The following GPATCH2 variants were observed in gnomAD, a reference collection of about 807,000 sequenced individuals.
GPATCH2 encodes G patch domain-containing protein 2.
In GPATCH2, 51 loss-of-function variants were observed where a neutral mutation model predicts 58.0. The ratio of observed to expected loss-of-function variants is 0.88; its 90% CI spans 0.70 to 1.11. The LOEUF is 1.11. GPATCH2 is among the 50% of genes most tolerant of loss of function. GPATCH2 has a pLI of 0.00. For synonymous variants in GPATCH2, 222 were observed against 218.5 expected (o/e 1.02, Z -0.14); for missense variants, 625 against 652.2 (o/e 0.96, Z 0.45).
chr1:217,434,917 A>G (rs938331063), intron 9 of GPATCH2, among the ~76,000 whole-genome samples: 1 of 152,200 alleles, frequency 6.6e-6, no homozygotes, highest in South Asian at 2.1e-4. Context: ...ACAATATAAC[A>G]TAAAACAAAG....
At chr1:217,577,701 C>T (rs1401967720) in intron 5 of GPATCH2, among the ~76,000 whole-genome samples, 2 of 151,952 alleles carry the variant, frequency 1.3e-5, no homozygotes, top group South Asian at 2.1e-4. Flanking sequence ...GTTATCAATG[C>T]CAAAGTTCAA....
intron 7 of GPATCH2, among the ~76,000 whole-genome samples, chr1:217,493,461 A>AT (rs1661850788): frequency 6.6e-6 from 1 of 152,034 alleles, no homozygotes; most frequent in Admixed American, 6.5e-5. Flanking sequence ...CAATTTGCCT[A>AT]TATCTTCAGG....
chr1:217,567,288 C>T (rs1161319762), intron 5 of GPATCH2, among the ~76,000 whole-genome samples: 5 of 152,140 alleles, frequency 3.3e-5, no homozygotes, highest in Non-Finnish European at 5.9e-5. Context: ...TCAGGTGATC[C>T]GCCCGCCTGG....
chr1:217,527,627 C>A (rs1344658970), intron 5 of GPATCH2, among the ~76,000 whole-genome samples: 1 of 152,112 alleles, frequency 6.6e-6, no homozygotes, highest in Admixed American at 6.5e-5. Context: ...ACAAAACCCT[C>A]TCTTGTTCGA....
At chr1:217,609,607 T>A (rs1025172359) in intron 5 of GPATCH2, 1 of 982,888 alleles carries the variant, frequency 1.0e-6, no homozygotes, top group Non-Finnish European at 1.2e-6. Context: ...CCAGCAAAGA[T>A]TATCAACCTT....
chr1:217,501,099 C>G (rs1234461121), intron 6 of GPATCH2, among the ~76,000 whole-genome samples: 2 of 152,018 alleles, frequency 1.3e-5, no homozygotes, highest in Non-Finnish European at 2.9e-5. Flanking sequence ...TCACTCCAAC[C>G]CTCAATCTCC....
intron 5 of GPATCH2, among the ~76,000 whole-genome samples, chr1:217,567,883 A>G (rs958415347): frequency 2.0e-5 from 3 of 152,160 alleles, no homozygotes; most frequent in Admixed American, 6.5e-5. Flanking sequence ...TTGGGAGGCC[A>G]AGGTGGGCGG....
chr1:217,608,185 T>C, intron 5 of GPATCH2: 1 of 749,566 alleles, frequency 1.3e-6, no homozygotes, highest in Non-Finnish European at 1.6e-6. Flanking sequence ...TTGGAACTCT[T>C]ACCTTTCTTG....
intron 5 of GPATCH2, among the ~76,000 whole-genome samples, chr1:217,541,703 T>C (rs1664750621): frequency 6.6e-6 from 1 of 152,248 alleles, no homozygotes; most frequent in African/African-American, 2.4e-5. Context: ...GTTAAATGCA[T>C]ACATATAGTA....
At chr1:217,458,418 T>G (rs1277464032) in intron 8 of GPATCH2, among the ~76,000 whole-genome samples, 1 of 152,162 alleles carries the variant, frequency 6.6e-6, no homozygotes, top group Non-Finnish European at 1.5e-5. Flanking sequence ...TAACTGAAAA[T>G]GGTAGCGGCT....
chr1:217,611,029 C>G lies in GPATCH2; in HGVS notation c.878G>C (p.Gly293Ala). Residue 293 changes from glycine (G) to alanine (A), a missense_variant, in exon 4 of 10, where the codon GGT becomes GCT. Coordinates refer to ENST00000366935, the MANE Select transcript of GPATCH2 (RefSeq NM_018040.5). ...AACTCCAGTGATACCACATGCTCCA[C>G]CTGATTCCTTTTCGTAGAACCAGTC... ...QSDWFYEKESGGACGITGVVP... is the reference protein window; with the variant it reads ...QSDWFYEKESAGACGITGVVP... The G allele has an allele frequency of 6.2e-7, 1 of 1,613,678 alleles. No homozygotes were observed. The highest frequency in any genetic ancestry group is 8.5e-7 in the Non-Finnish European group (1 of 1,179,788).
intron 1 of GPATCH2, among the ~76,000 whole-genome samples, chr1:217,625,268 A>T (rs936714661): frequency 3.3e-5 from 5 of 152,216 alleles, no homozygotes; most frequent in Admixed American, 3.3e-4. Context: ...TAAGAATAAG[A>T]CCAATCAATG....
chr1:217,439,493 C>T (rs1483329535), intron 9 of GPATCH2, among the ~76,000 whole-genome samples: 1 of 152,012 alleles, frequency 6.6e-6, no homozygotes, highest in African/African-American at 2.4e-5. Context: ...CAAAAGATAG[C>T]AGAAGACAAG....
chr1:217,583,057 A>C (rs147246506), intron 5 of GPATCH2, among the ~76,000 whole-genome samples: 181 of 152,354 alleles, frequency 1.2e-3, no homozygotes, highest in African/African-American at 4.2e-3. Context: ...CTAGCACTTC[A>C]TAAATAATTA....
chr1:217,547,048 A>C (rs571729760), intron 5 of GPATCH2, among the ~76,000 whole-genome samples: 1 of 152,280 alleles, frequency 6.6e-6, no homozygotes, highest in Non-Finnish European at 1.5e-5. Context: ...ATGAGATACT[A>C]TCTCACACCA....
At chr1:217,539,537 T>A (rs1664631620) in intron 5 of GPATCH2, among the ~76,000 whole-genome samples, 1 of 152,182 alleles carries the variant, frequency 6.6e-6, no homozygotes, top group Non-Finnish European at 1.5e-5. Flanking sequence ...GCACTCCCAA[T>A]CAGTGCTGCA....
chr1:217,562,851 C>CA (rs915488548), intron 5 of GPATCH2, among the ~76,000 whole-genome samples: 5 of 151,988 alleles, frequency 3.3e-5, no homozygotes, highest in African/African-American at 9.7e-5. Flanking sequence ...ACTTGGCACC[C>CA]AAAAAAACAG....
At chr1:217,597,156 T>TCCCTACCAA (rs1323773330) in intron 5 of GPATCH2, among the ~76,000 whole-genome samples, 85 of 148,910 alleles carry the variant, frequency 5.7e-4, no homozygotes, top group African/African-American at 2.0e-3. Flanking sequence ...AAGACCCCTG[T>TCCCTACCAA]CCCTACCAAA....
chr1:217,471,249 T>C (rs1428938522), intron 8 of GPATCH2, among the ~76,000 whole-genome samples: 1 of 152,172 alleles, frequency 6.6e-6, no homozygotes, highest in Non-Finnish European at 1.5e-5. Context: ...CTATTGTTGA[T>C]ATACTTAATT....
Sources: gnomAD v4.1 joint callset for allele counts (sites outside exome capture counted in the v4.1 genomes callset) on GRCh38, gnomAD v4.1.1 for gene constraint, MANE v1.5 for transcripts, NCBI Gene and HGNC (gene_info 2026-07-23, HGNC 2026-07-21) for gene names.